CEP170B: variants seen among roughly 807,000 people sequenced by gnomAD.
CEP170B encodes centrosomal protein of 170 kDa protein B.
Under a neutral mutation model 120.6 loss-of-function variants are expected in CEP170B, and 55 were observed. The observed-to-expected ratio is 0.46, with a 90% CI of 0.37 to 0.57. CEP170B has a LOEUF of 0.57. Ranked by LOEUF, CEP170B falls within the 20% of genes least tolerant of loss-of-function variation. CEP170B has a pLI of 0.00. For missense variants in CEP170B, 2,212 were observed against 2,253.3 expected (o/e 0.98, Z 0.37); for synonymous variants, 1,033 against 954.5 (o/e 1.08, Z -1.52).
At position 104,883,885 on chromosome 14, in the gene CEP170B, C is replaced by G. The variant is rs62641743; in HGVS notation, c.1106C>G (p.Ala369Gly). 5.0e-5 allele frequency: 79 copies of G among 1,580,428 alleles called. No individual in the cohort carries two copies. The highest frequency in any genetic ancestry group is 6.7e-5 in the Non-Finnish European group (78 of 1,163,914). The change falls in exon 9 of 19, where the codon GCG (alanine) becomes GGG (glycine). Residue 369 changes from alanine to glycine, a missense_variant. Coordinates refer to ENST00000414716, the MANE Select transcript of CEP170B (RefSeq NM_001112726.3). ...GACTCAGAGGACCCCCTGGCCAAGG[C>G]GGCCTCGGCCGCTGGGGTGCCCTTG... ...QSDSEDPLAK[A>G]ASAAGVPLEA...
At chr14:104,882,915 C>G in intron 7 of CEP170B, 83 bp downstream of exon 7, 1 of 1,483,622 alleles carries the variant, frequency 6.7e-7, no homozygotes, top group Non-Finnish European at 9.1e-7. Context: ...CTTGAGGAGC[C>G]CACTCCGGGG....
At chr14:104,889,524 G>T (rs140736162) in intron 12 of CEP170B, 96 bp from the exon 13 acceptor site, 7 of 1,586,488 alleles carry the variant, frequency 4.4e-6, no homozygotes, top group Non-Finnish European at 6.0e-6. Flanking sequence ...GACACGAGGC[G>T]CCGGCAGCAG....
chr14:104,883,596 G>C, intron 8 of CEP170B, 88 bp downstream of exon 8: 1 of 1,345,080 alleles, frequency 7.4e-7, no homozygotes, highest in South Asian at 1.5e-5. Context: ...ATGCAGAGGG[G>C]CCCATTCAGC....
At chr14:104,894,664 A>C in intron 18 of CEP170B, 47 bp from the exon 19 acceptor site, 2 of 1,578,500 alleles carry the variant, frequency 1.3e-6, no homozygotes, top group Non-Finnish European at 1.7e-6. Context: ...ACAGGGTGGG[A>C]GCAGGTGAAC....
Position 104,891,210 on chromosome 14 carries a change from C to T in CEP170B, c.3878+1452C>T, listed in dbSNP as rs1247204262. On this transcript the variant is annotated intron_variant, in intron 13 of 18. Transcript: ENST00000414716. The surrounding 1 kb of genome is among the most constrained non-coding windows in gnomAD (Gnocchi z 4.3). ...ACTCCCTCACATGGTCATTCAGTAA[C>T]AGGGCCCTCTCCAGGCCAGGCGCTG... 6.6e-6 allele frequency among the ~76,000 whole-genome samples: 1 copy of T among 152,120 alleles called. No individual in the cohort carries two copies. The highest frequency in any genetic ancestry group is 1.5e-5 in the Non-Finnish European group (1 of 68,010).
At chr14:104,877,284 G>C (rs890517516) in intron 3 of CEP170B, among the ~76,000 whole-genome samples, 17 of 152,310 alleles carry the variant, frequency 1.1e-4, no homozygotes, top group African/African-American at 3.9e-4. Context: ...GCTTTGAGAG[G>C]GTCCCCGGGG....
At position 104,883,837 on chromosome 14, in the gene CEP170B, A is replaced by G. The variant is rs980287609; in HGVS notation, c.1058A>G (p.Lys353Arg). 2.6e-5 allele frequency: 41 copies of G among 1,549,634 alleles called. No homozygotes were observed. The highest frequency in any genetic ancestry group is 3.4e-5 in the Non-Finnish European group (39 of 1,147,526). The change falls in exon 9 of 19, where the codon AAG (lysine) becomes AGG (arginine). Residue 353 changes from lysine (K) to arginine (R), a missense_variant. By Grantham distance (26) the Lys-to-Arg change is conservative (BLOSUM62 2). This residue lies in a region of CEP170B where 2,166 missense variants were observed against 2,166.7 expected (regional missense o/e 1.00). Transcript: ENST00000414716. ...GGTCCCCTGTCTCCCCCAGGCCACA[A>G]GCACGAGGACGGCACGCAGAGTGAC... ...PVHTRTLKGHKHEDGTQSDSE... is the reference protein window; with the variant it reads ...PVHTRTLKGHRHEDGTQSDSE...
rs1015194831 is a variant in CEP170B at position 104,868,737 on chromosome 14, G to A, written c.105+182G>A. On this transcript the variant is annotated intron_variant, in intron 2 of 18. Transcript: ENST00000414716. This position sits in a 1 kb window ranked among gnomAD's most constrained non-coding sequence, Gnocchi z 5.9. The stretch of plus-strand genomic sequence containing the variant: ...CGAGGGCTCTGGGGCTCCCGTGGGT[G>A]CGTGCAGGGGTGTGTGTGTGCTCAC... 6.6e-5 allele frequency among the ~76,000 whole-genome samples: 10 copies of A among 152,198 alleles called. No individual in the cohort carries two copies. Among genetic ancestry groups the A allele is most frequent in the Non-Finnish European group, 1.3e-4 (9 of 68,032 alleles).
At chr14:104,888,392 G>A (rs960174976) in intron 12 of CEP170B, among the ~76,000 whole-genome samples, 24 of 152,212 alleles carry the variant, frequency 1.6e-4, no homozygotes, top group Non-Finnish European at 2.4e-4. Context: ...GATCTCTGCC[G>A]CAGTACTGTG....
intron 13 of CEP170B, among the ~76,000 whole-genome samples, chr14:104,890,290 GTGGA>G (rs1324496130): frequency 9.5e-5 from 12 of 126,948 alleles, no homozygotes; most frequent in Admixed American, 6.2e-4. Flanking sequence ...GAGTGAGTGG[GTGGA>G]TGGATGGATG....
In CEP170B at chr14:104,880,301, C is replaced by G. The variant is rs997846881; in HGVS notation, c.348C>G (p.Thr116=). The change falls in exon 6 of 19, where the codon ACC becomes ACG. Residue 116 remains threonine, a synonymous_variant. Transcript: ENST00000414716. ...PEEALKHEKY[T]SQLQVSVKGL... ...CCTGCCCACAGCATGAAAAGTACACCAGCCAGCTGCAGGTGAGCGTGAAGG... is the reference window on the plus strand; with the variant it reads ...CCTGCCCACAGCATGAAAAGTACACGAGCCAGCTGCAGGTGAGCGTGAAGG... 24 of 1,603,124 alleles carry G rather than the reference C, an allele frequency of 1.5e-5. No homozygotes were observed. Among genetic ancestry groups the G allele is most frequent in the Non-Finnish European group, 1.8e-5 (21 of 1,175,550 alleles).
At position 104,886,255 on chromosome 14, in the gene CEP170B, G is replaced by A; in HGVS notation, c.2036-20G>A. 1 of 1,498,668 alleles carries A rather than the reference G, an allele frequency of 6.7e-7. No individual in the cohort carries two copies. The highest frequency in any genetic ancestry group is 2.2e-5 in the Admixed American group (1 of 46,202). The allele number at this position is 1,498,668 out of a possible 1,614,324, so 92.8% of individuals were successfully genotyped here. On this transcript the variant is annotated intron_variant, in intron 11 of 18. Coordinates refer to ENST00000414716, the MANE Select transcript of CEP170B (RefSeq NM_001112726.3). ...CTGCAGACCAGCGGCCCTCTAACCGGCTGCCTTTGTGCTCCACAGAGGATG... is the reference window on the plus strand; with the variant it reads ...CTGCAGACCAGCGGCCCTCTAACCGACTGCCTTTGTGCTCCACAGAGGATG...
chr14:104,878,069 G>A, intron 4 of CEP170B, 106 bp downstream of exon 4: 3 of 942,352 alleles, frequency 3.2e-6, no homozygotes, highest in South Asian at 2.9e-5. Flanking sequence ...GGGTTGCTGG[G>A]TAACAGAGCA....
At chr14:104,876,707 G>T (rs116524759) in intron 3 of CEP170B, among the ~76,000 whole-genome samples, 2 of 152,200 alleles carry the variant, frequency 1.3e-5, no homozygotes, top group African/African-American at 4.8e-5. Context: ...CAAGGATCAG[G>T]CTGCTCTCAG....
chr14:104,884,612 G>A (rs560204137), intron 9 of CEP170B, 63 bp downstream of exon 9: 1 of 1,466,150 alleles, frequency 6.8e-7, no homozygotes, highest in Non-Finnish European at 9.2e-7. Flanking sequence ...GATGCCGGGG[G>A]TGGCGAGTGA....
At chr14:104,874,612 AG>A (rs1895735074) in intron 2 of CEP170B, among the ~76,000 whole-genome samples, 2 of 152,042 alleles carry the variant, frequency 1.3e-5, no homozygotes, top group South Asian at 4.2e-4. Context: ...GGGGGGACCC[AG>A]GGTCCTGACA....
At chr14:104,889,973 GGT>G in intron 13 of CEP170B, among the ~76,000 whole-genome samples, 1 of 83,794 alleles carries the variant, frequency 1.2e-5, no homozygotes, top group African/African-American at 4.1e-5. Flanking sequence ...TGGATAGGAG[GGT>G]GGGTGGGTGG....
At chr14:104,872,128 TGTGTG>T in intron 2 of CEP170B, among the ~76,000 whole-genome samples, 2 of 149,816 alleles carry the variant, frequency 1.3e-5, no homozygotes, top group South Asian at 2.1e-4. Flanking sequence ...GTGCGTCGTG[TGTGTG>T]CGTGTGTGTG....
chr14:104,887,930 C>T lies in CEP170B; in HGVS notation c.3691C>T (p.Arg1231Cys), dbSNP rs754616366. Residue 1231 changes from arginine to cysteine, a missense_variant, in exon 12 of 19, where the codon CGC becomes TGC. Transcript: ENST00000414716. ...AANTATTTGPRQPFSRARSGS... is the reference protein window; with the variant it reads ...AANTATTTGPCQPFSRARSGS... ...CAACACAGCCACCACCACGGGTCCC[C>T]GCCAGCCCTTCAGCAGGGCCCGCTC... 14 of 1,545,204 alleles carry T rather than the reference C, an allele frequency of 9.1e-6. No individual in the cohort carries two copies. Among genetic ancestry groups the T allele is most frequent in the South Asian group, 3.6e-5 (3 of 84,102 alleles).
Sources: allele counts gnomAD v4.1 joint callset (sites outside exome capture counted in the v4.1 genomes callset), GRCh38; gene constraint gnomAD v4.1.1; regional missense constraint gnomAD v4.1.1; non-coding constraint Gnocchi (gnomAD v3.1); transcripts MANE v1.5; gene names NCBI Gene and HGNC (gene_info 2026-07-23, HGNC 2026-07-21).